KANSL1: variants seen among roughly 807,000 people sequenced by gnomAD.
KANSL1 encodes the protein MLL1/MLL complex subunit KANSL1.
In KANSL1, 22 loss-of-function variants were observed where a neutral mutation model predicts 103.6. The ratio of observed to expected loss-of-function variants is 0.21; its 90% confidence interval spans 0.15 to 0.30. The LOEUF (loss-of-function observed/expected upper bound fraction) is 0.30, where lower values mean the gene tolerates loss of function less well. Among genes scored for constraint, KANSL1 ranks in the 10% least tolerant of loss-of-function variants. The pLI is 1.00. For missense variants in KANSL1, 1,337 were observed against 1,399.8 expected, an observed-to-expected ratio of 0.96 and a Z score of 0.72; for synonymous variants, 600 against 527.6, an observed-to-expected ratio of 1.14 and a Z score of -1.88.
At chr17:46,101,703 G>A (rs1261558262) in intron 2 of KANSL1, among the ~76,000 whole-genome samples, 1 of 135,914 alleles carries the variant, frequency 7.4e-6, no homozygotes, top group African/African-American at 2.8e-5. Flanking sequence ...ACAGTGAGTC[G>A]AGATCGTGCC....
At chr17:46,103,751 C>T (rs1218666045) in intron 2 of KANSL1, among the ~76,000 whole-genome samples, 1 of 152,164 alleles carries the variant, frequency 6.6e-6, no homozygotes, top group Non-Finnish European at 1.5e-5. Flanking sequence ...CTAGGCTGGC[C>T]GTGCTGGCTC....
intron 14 of KANSL1, 159 bp downstream of exon 14, chr17:46,031,888 A>C: frequency 8.9e-7 from 1 of 1,129,076 alleles, no homozygotes; most frequent in South Asian, 1.5e-5. Flanking sequence ...AGCAGTGATC[A>C]ATACAGTTCC....
At chr17:46,076,878 T>C (rs2078794489) in intron 4 of KANSL1, among the ~76,000 whole-genome samples, 1 of 152,182 alleles carries the variant, frequency 6.6e-6, no homozygotes. Context: ...CTTTTATATA[T>C]TGACCCCGTA....
chr17:46,212,091 T>G (rs565292099), intron 1 of KANSL1, among the ~76,000 whole-genome samples: 2 of 152,290 alleles, frequency 1.3e-5, no homozygotes, highest in Admixed American at 1.3e-4. Flanking sequence ...TGTATGTGTG[T>G]GTAATATATA....
chr17:46,077,810 G>A (rs944971454), intron 4 of KANSL1, among the ~76,000 whole-genome samples: 5 of 151,970 alleles, frequency 3.3e-5, no homozygotes, highest in Non-Finnish European at 5.9e-5. Flanking sequence ...CACCCACCTC[G>A]GCCTCCCAAA....
chr17:46,171,598 A>C lies in KANSL1; in HGVS notation c.546T>G (p.Ala182=). 6.3e-7 allele frequency: 1 copy of C among 1,587,826 alleles called. No individual in the cohort carries two copies. Among genetic ancestry groups the C allele is most frequent in the Non-Finnish European group, 8.6e-7 (1 of 1,169,578 alleles). Residue 182 remains alanine, a synonymous_variant, in exon 2 of 15, where the codon GCT becomes GCG. Transcript: ENST00000432791. ...CCCCATGAAGAGCAGATGAAGTGAG[A>C]GCCCGTTTTCCCCCATTGAGGGAAG... The part of the protein sequence containing the change: ...NSTSLNGGKR[A]LTSSALHGGE...
chr17:46,092,199 T>G (rs1388045137), intron 3 of KANSL1, among the ~76,000 whole-genome samples: 1 of 152,210 alleles, frequency 6.6e-6, no homozygotes, highest in African/African-American at 2.4e-5. Flanking sequence ...AACAACACAT[T>G]TCTCAGTTTC....
chr17:46,171,854 T>C lies in KANSL1; in HGVS notation c.290A>G (p.Lys97Arg), dbSNP rs1171899765. ...CTGCTTGCTGAAGACCCCTTGCAAC[T>C]TCAAAGACTCCTTTGAGGGAACAGA... ...VTSVPSKESL[K>R]LQGVFSKQTV... Residue 97 changes from lysine (K) to arginine (R), a missense_variant, in exon 2 of 15, where the codon AAG (lysine) becomes AGG (arginine). Physicochemically the swap from Lys to Arg is conservative, Grantham distance 26 (BLOSUM62 2). This residue lies in a region of KANSL1 where 557 missense variants were observed against 476.4 expected (regional missense o/e 1.17). Coordinates refer to ENST00000432791, the MANE Select transcript of KANSL1 (RefSeq NM_015443.4). The C allele has an allele frequency of 6.2e-7, 1 of 1,614,226 alleles. No homozygotes were observed. Among genetic ancestry groups the C allele is most frequent in the African/African-American group, 1.3e-5 (1 of 75,048 alleles).
intron 3 of KANSL1, among the ~76,000 whole-genome samples, chr17:46,089,923 T>C (rs183968279): frequency 2.2e-4 from 34 of 152,358 alleles, no homozygotes; most frequent in African/African-American, 7.5e-4. Flanking sequence ...AATATATCAT[T>C]GGGGGAAAAT....
At chr17:46,176,123 G>T (rs2046507892) in intron 1 of KANSL1, among the ~76,000 whole-genome samples, 1 of 152,214 alleles carries the variant, frequency 6.6e-6, no homozygotes, top group Non-Finnish European at 1.5e-5. Flanking sequence ...AACATGTGAA[G>T]AGTAATTGTA....
At chr17:46,033,941 T>C (rs936515120) in intron 11 of KANSL1, among the ~76,000 whole-genome samples, 1 of 152,246 alleles carries the variant, frequency 6.6e-6, no homozygotes, top group South Asian at 2.1e-4. Context: ...AGTAAGTGAA[T>C]GGCCTACCAG....
At chr17:46,217,469 CTA>C (rs2048376528) in intron 1 of KANSL1, among the ~76,000 whole-genome samples, 1 of 143,250 alleles carries the variant, frequency 7.0e-6, no homozygotes, top group Admixed American at 7.0e-5. Context: ...AAGAGAGACT[CTA>C]AAAAAAAAAA....
At chr17:46,059,114 T>C (rs1038950510) in intron 6 of KANSL1, among the ~76,000 whole-genome samples, 1 of 150,510 alleles carries the variant, frequency 6.6e-6, no homozygotes, top group African/African-American at 2.4e-5. Flanking sequence ...TAGGGCTGAA[T>C]GGATAACACT....
chr17:46,071,282 G>T (rs1388185136), intron 4 of KANSL1, among the ~76,000 whole-genome samples: 2 of 152,032 alleles, frequency 1.3e-5, no homozygotes, highest in East Asian at 3.8e-4. Context: ...GACTGTGGCT[G>T]GCCTGCATTC....
chr17:46,063,767 T>C (rs1012149310), intron 6 of KANSL1, among the ~76,000 whole-genome samples: 2 of 152,104 alleles, frequency 1.3e-5, no homozygotes, highest in Admixed American at 6.6e-5. Context: ...CTACTTCACA[T>C]ATTAAAAAAC....
At chr17:46,072,657 A>T (rs557124817) in intron 4 of KANSL1, among the ~76,000 whole-genome samples, 2 of 152,278 alleles carry the variant, frequency 1.3e-5, no homozygotes, top group East Asian at 3.9e-4. Context: ...AATTGTACTA[A>T]ACAAGAAGTG....
chr17:46,178,231 G>GA (rs1056521578), intron 1 of KANSL1, among the ~76,000 whole-genome samples: 9 of 147,314 alleles, frequency 6.1e-5, no homozygotes, highest in East Asian at 2.0e-4. Context: ...AGGGCTAAAG[G>GA]AAAAAAAAAC....
intron 1 of KANSL1, among the ~76,000 whole-genome samples, chr17:46,184,787 C>T (rs2046941053): frequency 6.6e-6 from 1 of 150,964 alleles, no homozygotes; most frequent in Admixed American, 6.6e-5. Context: ...GCTCATGGTA[C>T]AATATAAACT....
chr17:46,117,369 G>T (rs10514901), intron 2 of KANSL1, among the ~76,000 whole-genome samples: 21,683 of 152,016 alleles, frequency 0.14, 2,125 homozygotes, highest in Non-Finnish European at 0.22. Flanking sequence ...ATTTGTGTAT[G>T]GACTCTCCTT....
Sources: gnomAD v4.1 joint callset for allele counts (sites outside exome capture counted in the v4.1 genomes callset) on GRCh38, gnomAD v4.1.1 for gene constraint, gnomAD v4.1.1 regional missense constraint, MANE v1.5 for transcripts, NCBI Gene and HGNC (gene_info 2026-07-23, HGNC 2026-07-21) for gene names.